The following MORN1 variants were observed in gnomAD, a reference collection of about 807,000 sequenced individuals.
MORN1 encodes the protein MORN repeat containing 1, also known as MORN repeat-containing protein 1.
MORN1 carries 67 observed loss-of-function variants against 61.9 expected under a neutral mutation model. The ratio of observed to expected loss-of-function variants is 1.08; its 90% confidence interval spans 0.89 to 1.33. The LOEUF is 1.33. Among genes scored for constraint, MORN1 ranks in the 40% most tolerant of loss-of-function variants. MORN1 has a pLI of 0.00. For synonymous variants in MORN1, 301 were observed against 292.0 expected (o/e 1.03, Z -0.31); for missense variants, 752 against 691.2 (o/e 1.09, Z -0.99).
In MORN1 at chr1:2,372,417, T is replaced by C; in HGVS notation, c.745+64A>G. ...AACATCTCGTCCGCATCTTCACTGC[T>C]TAAGAACCTGCTGCCTGTTTCTCTT... On this transcript the variant is annotated intron_variant, in intron 8 of 13. Transcript: ENST00000378531. The surrounding 1 kb of genome is among the most constrained non-coding windows in gnomAD (Gnocchi z 5.4). The C allele has an allele frequency of 1.5e-6, 2 of 1,320,600 alleles. No individual in the cohort carries two copies. Among genetic ancestry groups the C allele is most frequent in the Non-Finnish European group, 2.1e-6 (2 of 940,636 alleles). The allele number at this position is 1,320,600 out of a possible 1,614,324, so 81.8% of individuals were successfully genotyped here. A position where few individuals can be genotyped will look rare whatever the true frequency, so the allele number is the denominator to read the frequency against.
chr1:2,324,837 C>G (rs1291235706), intron 12 of MORN1, among the ~76,000 whole-genome samples: 4 of 152,016 alleles, frequency 2.6e-5, no homozygotes, highest in Admixed American at 2.0e-4. Flanking sequence ...GTTCCTCCTG[C>G]CTGGACAGCG....
rs546991371 is a variant in MORN1 at position 2,355,517 on chromosome 1, C to A, written c.1036+1915G>T. On this transcript the variant is annotated intron_variant, in intron 10 of 13. Coordinates refer to ENST00000378531, the MANE Select transcript of MORN1 (RefSeq NM_024848.3). ...AGGCTCTGGGGCTTCTAGCCACCAG[C>A]TGGGTGAGGTTTCTGGGGGCAGGGG... 142 of 1,545,518 alleles carry A rather than the reference C, an allele frequency of 9.2e-5. No individual in the cohort carries two copies. In the African/African-American group the frequency reaches 1.8e-3, roughly 19 times the overall value.
rs1270071669 is a variant in MORN1 at position 2,372,019 on chromosome 1, C to T, written c.745+462G>A. The T allele has an allele frequency of 5.7e-6, 1 of 174,876 alleles. No homozygotes were observed. Among genetic ancestry groups the T allele is most frequent in the East Asian group, 1.7e-4 (1 of 5,806 alleles). 10.8% of individuals were successfully genotyped at this position (174,876 alleles called of 1,614,324 possible). ...ACACATTCACACAAAAACTTGTATA[C>T]ACATGTCCACAGCAGCACTATTCAT... On this transcript the variant is annotated intron_variant, in intron 8 of 13. Transcript: ENST00000378531. This position sits in a 1 kb window ranked among gnomAD's most constrained non-coding sequence, Gnocchi z 5.4.
At chr1:2,331,939 G>A (rs1202864654) in intron 12 of MORN1, among the ~76,000 whole-genome samples, 1 of 129,484 alleles carries the variant, frequency 7.7e-6, no homozygotes, top group African/African-American at 3.1e-5. Context: ...TCCCTCGTGC[G>A]CCTCTCCCGC....
At chr1:2,350,006 C>A (rs1260251145) in intron 10 of MORN1, among the ~76,000 whole-genome samples, 6 of 152,226 alleles carry the variant, frequency 3.9e-5, no homozygotes, top group Non-Finnish European at 8.8e-5. Flanking sequence ...GCCGGCCTGA[C>A]AATGTACACC....
At chr1:2,361,319 G>A (rs575829057) in intron 8 of MORN1, among the ~76,000 whole-genome samples, 20 of 107,460 alleles carry the variant, frequency 1.9e-4, no homozygotes, top group African/African-American at 9.6e-4. Flanking sequence ...CACTTTGGGA[G>A]GCCAAGGTTG....
At chr1:2,390,296 G>A (rs893648172) in intron 1 of MORN1, among the ~76,000 whole-genome samples, 3 of 152,190 alleles carry the variant, frequency 2.0e-5, no homozygotes, top group Non-Finnish European at 2.9e-5. Context: ...AGAGGTGCTC[G>A]GGAGGTGGTG....
At chr1:2,367,644 G>A (rs6704200) in intron 8 of MORN1, among the ~76,000 whole-genome samples, 102,990 of 151,982 alleles carry the variant, frequency 0.68, 36,101 homozygotes, top group African/African-American at 0.86. Context: ...CTAAAAATAT[G>A]TCATTTTTTT....
intron 10 of MORN1, among the ~76,000 whole-genome samples, chr1:2,344,536 A>G (rs1326092756): frequency 6.6e-6 from 1 of 152,202 alleles, no homozygotes; most frequent in African/African-American, 2.4e-5. Flanking sequence ...CGGGGACCGC[A>G]CAGACGGCAG....
chr1:2,391,414 G>T, intron 1 of MORN1, 44 bp downstream of exon 1: 3 of 1,254,214 alleles, frequency 2.4e-6, no homozygotes, highest in Non-Finnish European at 3.0e-6. Flanking sequence ...CCTGAATGGA[G>T]CCCAGGGCAG....
intron 8 of MORN1, among the ~76,000 whole-genome samples, chr1:2,370,556 C>T (rs954780077): frequency 2.0e-5 from 3 of 152,052 alleles, no homozygotes; most frequent in African/African-American, 7.3e-5. Context: ...AAAGATGAGC[C>T]GTAGGTGGAC....
At chr1:2,363,827 A>ATAT (rs59002493) in intron 8 of MORN1, among the ~76,000 whole-genome samples, 3,403 of 77,688 alleles carry the variant, frequency 0.044, 116 homozygotes, top group East Asian at 0.19. Context: ...TATATATATA[A>ATAT]AAAAAATCAG....
Position 2,388,340 on chromosome 1 carries a change from G to A in MORN1, c.149-3C>T. On this transcript the variant is annotated splice_polypyrimidine_tract_variant and splice_region_variant and intron_variant, in intron 2 of 13. Coordinates refer to ENST00000378531, the MANE Select transcript of MORN1 (RefSeq NM_024848.3). ...TTTAAATAACAACTTCCCGTGACCT[G>A]GCAGGAGAAATCGTCACGTGAACTC... 6.2e-7 allele frequency: 1 copy of A among 1,612,930 alleles called. No individual in the cohort carries two copies. Among genetic ancestry groups the A allele is most frequent in the Non-Finnish European group, 8.5e-7 (1 of 1,179,098 alleles).
chr1:2,332,733 T>G (rs1224835712), intron 12 of MORN1: 1 of 452,866 alleles, frequency 2.2e-6, no homozygotes, highest in South Asian at 1.5e-5. Context: ...GGAGAACCCT[T>G]TGTTAGCTCC....
chr1:2,367,647 A>AT lies in MORN1; in HGVS notation c.745+4833dup, dbSNP rs994397180. ...TAAATGTAAGAGCTAAAAATATGTC[A>AT]TTTTTTTTTGAGATGGAGTCTTGCT... On this transcript the variant is annotated intron_variant, in intron 8 of 13. Coordinates refer to ENST00000378531, the MANE Select transcript of MORN1 (RefSeq NM_024848.3). Among the ~76,000 whole-genome samples, 172 of 150,984 alleles carry AT rather than the reference A, an allele frequency of 1.1e-3. 1 individual carries two copies. The highest frequency in any genetic ancestry group is 2.2e-3 in the Admixed American group (34 of 15,152).
At chr1:2,343,604 A>C (rs1453368861) in intron 10 of MORN1, among the ~76,000 whole-genome samples, 5 of 152,026 alleles carry the variant, frequency 3.3e-5, no homozygotes, top group Non-Finnish European at 7.4e-5. Context: ...CCTCCACTGC[A>C]TTCCCACGAG....
At chr1:2,385,115 T>C (rs756838256) in intron 5 of MORN1, 50 bp from the exon 6 acceptor site, 1 of 1,532,480 alleles carries the variant, frequency 6.5e-7, no homozygotes, top group African/African-American at 1.4e-5. Flanking sequence ...AGCCGGGTGG[T>C]GGCAGTGACT....
In MORN1 at chr1:2,372,644, AC is replaced by A; in HGVS notation, c.635-54del. The A allele has an allele frequency of 6.9e-7, 1 of 1,438,942 alleles. No homozygotes were observed. The allele number at this position is 1,438,942 out of a possible 1,614,324, so 89.1% of individuals were successfully genotyped here. ...CGGTGACTGGCATGGTCCCCCACCC[AC>A]CCCATGGCTGAGTCAGCAGTGGGCA... On this transcript the variant is annotated intron_variant, in intron 7 of 13. Coordinates refer to ENST00000378531, the MANE Select transcript of MORN1 (RefSeq NM_024848.3). This position sits in a 1 kb window ranked among gnomAD's most constrained non-coding sequence, Gnocchi z 5.4.
In MORN1 at chr1:2,358,643, T is replaced by C. The variant is rs531527115; in HGVS notation, c.818A>G (p.Asn273Ser). The change falls in exon 9 of 14, where the codon AAC (asparagine) becomes AGC (serine). Residue 273 changes from asparagine to serine, a missense_variant. Coordinates refer to ENST00000378531, the MANE Select transcript of MORN1 (RefSeq NM_024848.3). ...YVQLSAYSEVNFFKVDRDNQE... is the reference protein window; with the variant it reads ...YVQLSAYSEVSFFKVDRDNQE... ...GTTGTCTCTGTCCACTTTGAAAAAG[T>C]TGACCTCAGAGTAGGCTGACAGCTG... The C allele has an allele frequency of 7.4e-6, 12 of 1,614,080 alleles. No individual in the cohort carries two copies. The African/African-American group carries it at 1.5e-4, about 20-fold the overall frequency.
Sources: allele counts gnomAD v4.1 joint callset (sites outside exome capture counted in the v4.1 genomes callset), GRCh38; gene constraint gnomAD v4.1.1; non-coding constraint Gnocchi (gnomAD v3.1); transcripts MANE v1.5; gene names NCBI Gene and HGNC (gene_info 2026-07-23, HGNC 2026-07-21).